Variants in DPYD observed in about 807,000 individuals in gnomAD.
DPYD encodes the protein dihydropyrimidine dehydrogenase [NADP(+)].
A neutral mutation model predicts 116.2 loss-of-function variants in DPYD; 109 were observed. The observed-to-expected ratio is 0.94, with a 90% confidence interval of 0.80 to 1.10. The LOEUF is 1.10. DPYD is among the 50% of genes least tolerant of loss of function. DPYD has a pLI of 0.00. For synonymous variants in DPYD, 440 were observed against 432.0 expected, an observed-to-expected ratio of 1.02 and a Z score of -0.23; for missense variants, 1,302 against 1,254.5, an observed-to-expected ratio of 1.04 and a Z score of -0.57.
intron 8 of DPYD, among the ~76,000 whole-genome samples, chr1:97,598,614 A>C (rs1169279764): frequency 7.5e-6 from 1 of 132,914 alleles, no homozygotes; most frequent in African/African-American, 2.7e-5. Context: ...GGAGGGAGGG[A>C]GGGAAGGAGG....
At chr1:97,080,471 G>A (rs1364542161) in intron 22 of DPYD, among the ~76,000 whole-genome samples, 1 of 151,928 alleles carries the variant, frequency 6.6e-6, no homozygotes, top group African/African-American at 2.4e-5. Context: ...TATTTTCAGA[G>A]TAAATCATGA....
intron 16 of DPYD, among the ~76,000 whole-genome samples, chr1:97,330,781 A>C (rs1668946404): frequency 6.6e-6 from 1 of 152,134 alleles, no homozygotes; most frequent in Non-Finnish European, 1.5e-5. Context: ...GTTGCCTTTA[A>C]ATTATTTTAA....
At chr1:97,361,538 C>T (rs980999485) in intron 16 of DPYD, among the ~76,000 whole-genome samples, 3 of 152,072 alleles carry the variant, frequency 2.0e-5, no homozygotes, top group African/African-American at 4.8e-5. Context: ...TGATGAATAT[C>T]GATGCAAAAA....
chr1:97,461,523 G>GA (rs1201278863), intron 13 of DPYD, among the ~76,000 whole-genome samples: 3 of 151,782 alleles, frequency 2.0e-5, no homozygotes, highest in African/African-American at 4.8e-5. Flanking sequence ...AAAATGGAAA[G>GA]AAAAAAATGA....
intron 16 of DPYD, among the ~76,000 whole-genome samples, chr1:97,351,518 A>G (rs1670142636): frequency 6.6e-6 from 1 of 152,184 alleles, no homozygotes; most frequent in African/African-American, 2.4e-5. Context: ...CTGGAAATTT[A>G]GAGATATGAG....
chr1:97,882,328 G>A (rs1313397939), intron 2 of DPYD, among the ~76,000 whole-genome samples: 1 of 151,900 alleles, frequency 6.6e-6, no homozygotes, highest in Non-Finnish European at 1.5e-5. Context: ...CCAGTGGCTG[G>A]TGATAGAAAA....
At chr1:97,399,023 T>C (rs367553474) in intron 14 of DPYD, among the ~76,000 whole-genome samples, 2 of 152,336 alleles carry the variant, frequency 1.3e-5, no homozygotes, top group East Asian at 3.9e-4. Context: ...TCCTTGTCCA[T>C]GCCTATGTCC....
chr1:97,132,243 G>C (rs1334504191), intron 20 of DPYD, among the ~76,000 whole-genome samples: 1 of 152,036 alleles, frequency 6.6e-6, no homozygotes, highest in Admixed American at 6.6e-5. Flanking sequence ...CATCGTTCCT[G>C]GCGTTAATAC....
intron 16 of DPYD, among the ~76,000 whole-genome samples, chr1:97,351,186 G>A (rs1007687014): frequency 1.3e-5 from 2 of 152,116 alleles, no homozygotes; most frequent in African/African-American, 2.4e-5. Flanking sequence ...TCTCCAAACC[G>A]AGAAGAGAGT....
intron 2 of DPYD, among the ~76,000 whole-genome samples, chr1:97,832,028 C>CTTTAATATATAAT (rs1282432160): frequency 2.9e-5 from 4 of 135,698 alleles, no homozygotes; most frequent in Non-Finnish European, 3.2e-5. Flanking sequence ...CACATTATAG[C>CTTTAATATATAAT]TTTAATATAT....
At chr1:97,711,739 TC>T (rs1203921957) in intron 5 of DPYD, among the ~76,000 whole-genome samples, 1 of 152,086 alleles carries the variant, frequency 6.6e-6, no homozygotes, top group African/African-American at 2.4e-5. Context: ...GAATATTACA[TC>T]TTTTAAGAGT....
At chr1:97,150,925 T>C (rs1393563303) in intron 20 of DPYD, among the ~76,000 whole-genome samples, 2 of 152,224 alleles carry the variant, frequency 1.3e-5, no homozygotes, top group Non-Finnish European at 2.9e-5. Context: ...TTCATTGCAT[T>C]ATGTTCAATT....
intron 16 of DPYD, among the ~76,000 whole-genome samples, chr1:97,315,378 T>G (rs1667766691): frequency 6.7e-6 from 1 of 149,498 alleles, no homozygotes; most frequent in African/African-American, 2.5e-5. Flanking sequence ...TAATAGGCAC[T>G]TTTTGTCCTG....
intron 11 of DPYD, among the ~76,000 whole-genome samples, chr1:97,567,463 T>G (rs1652601811): frequency 6.6e-6 from 1 of 152,046 alleles, no homozygotes; most frequent in Admixed American, 6.6e-5. Context: ...TCCCAGTGAG[T>G]GAGCAGAAAG....
chr1:97,534,461 T>C (rs1649850810), intron 12 of DPYD, among the ~76,000 whole-genome samples: 1 of 152,286 alleles, frequency 6.6e-6, no homozygotes, highest in South Asian at 2.1e-4. Flanking sequence ...AAGCTGGTTA[T>C]TGAAAAGAAC....
chr1:97,533,433 A>C (rs563517328), intron 12 of DPYD, among the ~76,000 whole-genome samples: 2 of 152,268 alleles, frequency 1.3e-5, no homozygotes, highest in African/African-American at 4.8e-5. Context: ...ACAAATTTTC[A>C]AAAGTGTCAA....
chr1:97,622,419 G>C (rs746385485), intron 8 of DPYD, among the ~76,000 whole-genome samples: 7 of 151,872 alleles, frequency 4.6e-5, no homozygotes, highest in Non-Finnish European at 8.8e-5. Flanking sequence ...CCTCACAGCT[G>C]TCAAGGTCAT....
chr1:97,108,195 T>C (rs573302139), intron 20 of DPYD, among the ~76,000 whole-genome samples: 10 of 152,074 alleles, frequency 6.6e-5, no homozygotes, highest in Non-Finnish European at 1.3e-4. Flanking sequence ...ATGTGGCATA[T>C]TGGAAACAGC....
At chr1:97,283,504 T>C (rs1665462788) in intron 18 of DPYD, among the ~76,000 whole-genome samples, 1 of 152,258 alleles carries the variant, frequency 6.6e-6, no homozygotes, top group African/African-American at 2.4e-5. Flanking sequence ...TTATGTGTCT[T>C]AGAAAAAAGC....
Sources: gnomAD v4.1 joint callset for allele counts (sites outside exome capture counted in the v4.1 genomes callset) on GRCh38, gnomAD v4.1.1 for gene constraint, MANE v1.5 for transcripts, NCBI Gene and HGNC (gene_info 2026-07-23, HGNC 2026-07-21) for gene names.